The following MARCHF8 variants were observed in gnomAD, a reference collection of about 807,000 sequenced individuals.
MARCHF8 encodes the protein E3 ubiquitin-protein ligase MARCHF8.
MARCHF8 carries 40 observed loss-of-function variants against 51.6 expected under a neutral mutation model. The observed-to-expected ratio is 0.77, with a 90% CI of 0.60 to 1.01. MARCHF8 has a LOEUF of 1.01. Ranked by LOEUF, MARCHF8 falls within the 50% of genes least tolerant of loss-of-function variation. The pLI is 0.00. For missense variants in MARCHF8, 685 were observed against 708.6 expected (o/e 0.97, Z 0.38); for synonymous variants, 263 against 280.3 (o/e 0.94, Z 0.62).
intron 3 of MARCHF8, among the ~76,000 whole-genome samples, chr10:45,468,660 C>G (rs1003786131): frequency 7.9e-5 from 12 of 152,148 alleles, no homozygotes; most frequent in African/African-American, 2.9e-4. Flanking sequence ...ATGTTTACAA[C>G]TCATCACAAA....
intron 2 of MARCHF8, among the ~76,000 whole-genome samples, chr10:45,500,679 GAAAATAAAC>G (rs2133139606): frequency 6.6e-6 from 1 of 151,772 alleles, no homozygotes; most frequent in South Asian, 2.1e-4. Flanking sequence ...CCACAATTAG[GAAAATAAAC>G]AAAATAAAAG....
chr10:45,508,853 A>T (rs2043439101), intron 2 of MARCHF8, among the ~76,000 whole-genome samples: 2 of 152,162 alleles, frequency 1.3e-5, no homozygotes, highest in South Asian at 4.1e-4. Flanking sequence ...TGACTTTATT[A>T]TCTTGTTTTG....
chr10:45,462,798 G>C (rs1425603565), intron 5 of MARCHF8, among the ~76,000 whole-genome samples: 1 of 151,866 alleles, frequency 6.6e-6, no homozygotes, highest in East Asian at 1.9e-4. Context: ...GCTAATTTTT[G>C]TATTTTTAGT....
chr10:45,484,341 T>G (rs1383324909), intron 3 of MARCHF8, among the ~76,000 whole-genome samples: 3 of 152,210 alleles, frequency 2.0e-5, no homozygotes, highest in Non-Finnish European at 4.4e-5. Context: ...GGGAACATCC[T>G]CCAGGATGGC....
chr10:45,524,530 A>G (rs2043760120), intron 2 of MARCHF8, among the ~76,000 whole-genome samples: 1 of 152,154 alleles, frequency 6.6e-6, no homozygotes, highest in Non-Finnish European at 1.5e-5. Context: ...AAATGATCTC[A>G]CAGATGGTGA....
At chr10:45,519,361 C>A (rs2043670434) in intron 2 of MARCHF8, among the ~76,000 whole-genome samples, 1 of 152,210 alleles carries the variant, frequency 6.6e-6, no homozygotes, top group African/African-American at 2.4e-5. Context: ...CACTACCACC[C>A]ATCCATCCAC....
intron 2 of MARCHF8, among the ~76,000 whole-genome samples, chr10:45,527,950 A>G (rs1241093562): frequency 6.6e-6 from 1 of 152,236 alleles, no homozygotes. Flanking sequence ...GGTTTAACAT[A>G]CAAAAATCAA....
chr10:45,490,621 T>C (rs2133090171), intron 2 of MARCHF8, among the ~76,000 whole-genome samples: 1 of 152,010 alleles, frequency 6.6e-6, no homozygotes, highest in South Asian at 2.1e-4. Context: ...TATGACTTTC[T>C]TTAAAAAAAA....
chr10:45,526,790 T>C (rs36070535), intron 2 of MARCHF8, among the ~76,000 whole-genome samples: 9,419 of 152,120 alleles, frequency 0.062, 337 homozygotes, highest in Non-Finnish European at 0.067. Context: ...GATGTTTATA[T>C]AACAAGCTAC....
chr10:45,500,445 C>T (rs1367612244), intron 2 of MARCHF8, among the ~76,000 whole-genome samples: 1 of 152,118 alleles, frequency 6.6e-6, no homozygotes, highest in Non-Finnish European at 1.5e-5. Flanking sequence ...AATTGCTCAG[C>T]TAGGATTTCC....
At chr10:45,504,593 G>A (rs897828825) in intron 2 of MARCHF8, among the ~76,000 whole-genome samples, 1 of 152,172 alleles carries the variant, frequency 6.6e-6, no homozygotes, top group Non-Finnish European at 1.5e-5. Flanking sequence ...AGCTAGCACT[G>A]GATATTGGAA....
At position 45,585,451 on chromosome 10, in the gene MARCHF8, T is replaced by C. The variant is rs75489038; in HGVS notation, c.-79+8784A>G. On this transcript the variant is annotated intron_variant, in intron 1 of 6. Coordinates refer to the MARCHF8 transcript ENST00000319836. Reference sequence around the variant, plus strand: ...AAATATGAATGAGTCTCAAATCTCATACGGAATAAAAAAGCAAATGAAAGA... The same window carrying C: ...AAATATGAATGAGTCTCAAATCTCACACGGAATAAAAAAGCAAATGAAAGA... Among the ~76,000 whole-genome samples the C allele has an allele frequency of 9.9e-3, 1,500 of 152,244 alleles. 31 individuals carry two copies. Among genetic ancestry groups the C allele is most frequent in the African/African-American group, 0.034 (1,431 of 41,520 alleles).
chr10:45,543,686 T>C (rs1361854089), intron 1 of MARCHF8, among the ~76,000 whole-genome samples: 1 of 150,036 alleles, frequency 6.7e-6, no homozygotes, highest in East Asian at 2.0e-4. Context: ...TAGTCTCAGC[T>C]ACTCAGGAGG....
intron 3 of MARCHF8, 48 bp from the exon 4 acceptor site, chr10:45,464,375 T>C (rs371199831): frequency 1.2e-5 from 18 of 1,488,150 alleles, no homozygotes; most frequent in East Asian, 9.0e-5. Flanking sequence ...GCCAAGGGGA[T>C]TGTGTGCACT....
At chr10:45,575,576 C>T (rs1227475397) in intron 1 of MARCHF8, among the ~76,000 whole-genome samples, 6 of 152,146 alleles carry the variant, frequency 3.9e-5, no homozygotes, top group South Asian at 4.1e-4. Flanking sequence ...GTTCCCATGC[C>T]GCTCCTAATC....
chr10:45,572,188 A>C (rs1197352246), intron 1 of MARCHF8, among the ~76,000 whole-genome samples: 2 of 83,280 alleles, frequency 2.4e-5, no homozygotes, highest in Admixed American at 1.5e-4. Context: ...CTGTGTCCCC[A>C]CCCCTTCTCC....
intron 3 of MARCHF8, among the ~76,000 whole-genome samples, chr10:45,484,730 T>C (rs1156232835): frequency 6.6e-6 from 1 of 151,920 alleles, no homozygotes. Flanking sequence ...TAGCCATTCA[T>C]GCAAAAAAGG....
rs746401606 is a variant in MARCHF8, at chr10:45,489,427, A to T, written c.103-10T>A. ...CCAAAGTCTTCTCATTCTGCAAGAA[A>T]ATCAAACAGGTTTTAATTATCAATC... On this transcript the variant is annotated splice_polypyrimidine_tract_variant and intron_variant, in intron 2 of 7. Transcript: ENST00000453424. 6 of 1,609,754 alleles carry T rather than the reference A, an allele frequency of 3.7e-6. No homozygotes were observed. The highest frequency in any genetic ancestry group is 5.1e-6 in the Non-Finnish European group (6 of 1,177,182).
At chr10:45,479,592 T>G (rs2042849344) in intron 3 of MARCHF8, among the ~76,000 whole-genome samples, 1 of 152,172 alleles carries the variant, frequency 6.6e-6, no homozygotes, top group Non-Finnish European at 1.5e-5. Context: ...CTTGTGGTAG[T>G]GAATAAGTCT....
Sources: allele counts gnomAD v4.1 joint callset (sites outside exome capture counted in the v4.1 genomes callset), GRCh38; gene constraint gnomAD v4.1.1; transcripts MANE v1.5; gene names NCBI Gene and HGNC (gene_info 2026-07-23, HGNC 2026-07-21).